Variants in MYO3A observed in about 807,000 individuals in gnomAD.
MYO3A encodes myosin-IIIa.
In MYO3A, 180 loss-of-function variants were observed where a neutral mutation model predicts 192.7. The ratio of observed to expected loss-of-function variants is 0.93; its 90% CI spans 0.83 to 1.06. The LOEUF is 1.06. Among genes scored for constraint, MYO3A ranks in the 50% least tolerant of loss-of-function variants. The pLI, the probability that MYO3A is intolerant of heterozygous loss-of-function variation, is 0.00. For synonymous variants in MYO3A, 628 were observed against 645.3 expected (o/e 0.97, Z 0.41); for missense variants, 1,896 against 1,905.0 (o/e 1.00, Z 0.09).
At chr10:25,969,957 A>C (rs943765870) in intron 4 of MYO3A, among the ~76,000 whole-genome samples, 4 of 152,146 alleles carry the variant, frequency 2.6e-5, no homozygotes, top group African/African-American at 9.7e-5. Context: ...GTATAATCAG[A>C]GACAGATGAC....
At chr10:26,182,195 G>C (rs537182532) in intron 31 of MYO3A, among the ~76,000 whole-genome samples, 88 of 152,218 alleles carry the variant, frequency 5.8e-4, no homozygotes, top group Non-Finnish European at 1.1e-3. Flanking sequence ...TCCATCCCTC[G>C]CTAACTTCAC....
intron 10 of MYO3A, among the ~76,000 whole-genome samples, chr10:26,059,805 G>A (rs907266624): frequency 6.6e-6 from 1 of 152,186 alleles, no homozygotes; most frequent in Non-Finnish European, 1.5e-5. Flanking sequence ...ATGCTTGCAC[G>A]TGGCAGGGTC....
At chr10:26,132,399 AG>A (rs1839590539) in intron 20 of MYO3A, among the ~76,000 whole-genome samples, 1 of 152,222 alleles carries the variant, frequency 6.6e-6, no homozygotes, top group Admixed American at 6.5e-5. Flanking sequence ...AACATACAAA[AG>A]AAATGCTCCC....
At chr10:25,993,279 T>A (rs1423627175) in intron 4 of MYO3A, among the ~76,000 whole-genome samples, 3 of 152,190 alleles carry the variant, frequency 2.0e-5, no homozygotes, top group Non-Finnish European at 2.9e-5. Flanking sequence ...TAATCTAGAT[T>A]TTCTAATTTA....
intron 2 of MYO3A, among the ~76,000 whole-genome samples, chr10:25,950,146 T>C (rs1837112094): frequency 6.6e-6 from 1 of 151,974 alleles, no homozygotes; most frequent in Admixed American, 6.6e-5. Flanking sequence ...GAAATTGACA[T>C]TTGAACTGAG....
At chr10:26,177,540 G>A (rs1564624142) in intron 31 of MYO3A, among the ~76,000 whole-genome samples, 1 of 152,126 alleles carries the variant, frequency 6.6e-6, no homozygotes, top group Non-Finnish European at 1.5e-5. Context: ...GTGGAGGTCT[G>A]GAGCCTCATA....
At chr10:26,089,614 T>A (rs1297031238) in intron 15 of MYO3A, among the ~76,000 whole-genome samples, 14 of 148,670 alleles carry the variant, frequency 9.4e-5, no homozygotes, top group East Asian at 2.0e-4. Context: ...AAAAAAAAAA[T>A]GGAAGGAATG....
chr10:26,099,202 C>T (rs528651297), intron 17 of MYO3A, among the ~76,000 whole-genome samples: 1 of 152,242 alleles, frequency 6.6e-6, no homozygotes, highest in Non-Finnish European at 1.5e-5. Flanking sequence ...CATGATTTGG[C>T]TCTCTGTTTG....
intron 10 of MYO3A, 142 bp from the exon 11 acceptor site, chr10:26,066,833 T>C (rs1834875565): frequency 3.1e-6 from 2 of 635,714 alleles, no homozygotes; most frequent in Non-Finnish European, 5.6e-6. Context: ...AAAGATCAAA[T>C]ATATTAGGCT....
chr10:26,060,653 T>C (rs1834409138), intron 10 of MYO3A, among the ~76,000 whole-genome samples: 1 of 152,206 alleles, frequency 6.6e-6, no homozygotes, highest in South Asian at 2.1e-4. Flanking sequence ...ATTTTAAAAC[T>C]TATTTAATAC....
At chr10:26,095,875 C>G (rs144589246) in intron 15 of MYO3A, among the ~76,000 whole-genome samples, 3 of 152,286 alleles carry the variant, frequency 2.0e-5, no homozygotes, top group East Asian at 1.9e-4. Flanking sequence ...AGACCTGATT[C>G]AAATCCATAT....
At chr10:26,045,722 C>T (rs751003368) in intron 10 of MYO3A, among the ~76,000 whole-genome samples, 1 of 152,118 alleles carries the variant, frequency 6.6e-6, no homozygotes, top group Non-Finnish European at 1.5e-5. Context: ...CCAAGCAGGC[C>T]ACAGAGACCA....
intron 6 of MYO3A, among the ~76,000 whole-genome samples, chr10:26,010,844 CAA>C (rs536334326): frequency 1.8e-3 from 267 of 152,202 alleles, no homozygotes; most frequent in African/African-American, 6.3e-3. Context: ...AATGAGAAAA[CAA>C]GAGCCTACAG....
intron 31 of MYO3A, among the ~76,000 whole-genome samples, chr10:26,185,622 G>C (rs768012747): frequency 2.0e-5 from 3 of 152,000 alleles, no homozygotes; most frequent in Non-Finnish European, 4.4e-5. Context: ...TTACAGGTGT[G>C]AGCCACCGCA....
At chr10:26,071,794 A>G (rs1237684487) in intron 14 of MYO3A, among the ~76,000 whole-genome samples, 1 of 152,194 alleles carries the variant, frequency 6.6e-6, no homozygotes, top group Non-Finnish European at 1.5e-5. Flanking sequence ...TGGGAATGCA[A>G]GTTAAAACCA....
At chr10:26,106,337 C>T (rs1044412019) in intron 17 of MYO3A, among the ~76,000 whole-genome samples, 4 of 151,882 alleles carry the variant, frequency 2.6e-5, no homozygotes, top group Admixed American at 2.6e-4. Flanking sequence ...TACTTATATT[C>T]ATCTGGAACT....
At chr10:26,147,295 G>C (rs1049759060) in intron 22 of MYO3A, 135 bp from the exon 23 acceptor site, 2 of 883,244 alleles carry the variant, frequency 2.3e-6, no homozygotes, top group African/African-American at 3.3e-5. Context: ...GGCTACCTTA[G>C]TAAATGCTTG....
At chr10:25,956,753 AT>A (rs1837570621) in intron 4 of MYO3A, among the ~76,000 whole-genome samples, 1 of 151,992 alleles carries the variant, frequency 6.6e-6, no homozygotes, top group South Asian at 2.1e-4. Context: ...CTTTTAAAAA[AT>A]TTTAAGTACA....
chr10:25,991,255 A>G (rs544954922), intron 4 of MYO3A, among the ~76,000 whole-genome samples: 1,713 of 152,308 alleles, frequency 0.011, 30 homozygotes, highest in African/African-American at 0.038. Context: ...GCATTTCTCT[A>G]ATGGCCAGTG....
Sources: allele counts gnomAD v4.1 joint callset (sites outside exome capture counted in the v4.1 genomes callset), GRCh38; gene constraint gnomAD v4.1.1; transcripts MANE v1.5; gene names NCBI Gene and HGNC (gene_info 2026-07-23, HGNC 2026-07-21).